Variants in MGAT5B observed in about 807,000 individuals in gnomAD.
MGAT5B encodes N-acetylglucosaminyl-transferase Vb.
In MGAT5B, 54 loss-of-function variants were observed where a neutral mutation model predicts 95.1. That is an observed-to-expected ratio of 0.57 (90% CI 0.46 to 0.71). The LOEUF (loss-of-function observed/expected upper bound fraction) is 0.71. Among genes scored for constraint, MGAT5B ranks in the 30% least tolerant of loss-of-function variants. The probability of loss-of-function intolerance (pLI) is 0.00; values close to 1 mark genes in which losing one functional copy is unlikely to be tolerated. For missense variants in MGAT5B, 935 were observed against 1,088.6 expected (o/e 0.86, Z 1.99); for synonymous variants, 464 against 451.0 (o/e 1.03, Z -0.36).
At chr17:76,921,580 C>T (rs1233620389) in intron 8 of MGAT5B, among the ~76,000 whole-genome samples, 1 of 152,150 alleles carries the variant, frequency 6.6e-6, no homozygotes, top group African/African-American at 2.4e-5. Context: ...CCACCCACTT[C>T]CCTGCTCCCT....
intron 9 of MGAT5B, 27 bp from the exon 10 acceptor site, chr17:76,926,570 C>T (rs11653088): frequency 0.74 from 1,179,073 of 1,591,848 alleles, 439,230 homozygotes; most frequent in Admixed American, 0.8. Flanking sequence ...GTTGCTGACC[C>T]TGGTTCCTGG....
intron 16 of MGAT5B, among the ~76,000 whole-genome samples, chr17:76,946,843 A>G (rs1442809664): frequency 6.6e-6 from 1 of 152,238 alleles, no homozygotes; most frequent in African/African-American, 2.4e-5. Flanking sequence ...TGAGACTGGA[A>G]TGGGAGATTA....
At position 76,904,345 on chromosome 17, in the gene MGAT5B, G is replaced by T. The variant is rs903325130; in HGVS notation, c.613G>T (p.Glu205Ter). Reference protein sequence around the residue: ...CSFLIYLSEVEWFCPPLPWRN... With the variant: ...CSFLIYLSEV ...CTTCCTCATCTACCTCAGTGAGGTCGAGTGGTTCTGCCCCCCGCTGCCCTG... is the reference window on the plus strand; with the variant it reads ...CTTCCTCATCTACCTCAGTGAGGTCTAGTGGTTCTGCCCCCCGCTGCCCTG... The change falls in exon 6 of 18, where the codon GAG (glutamate) becomes TAG (stop). Residue 205 changes from glutamate to a stop codon, truncating the protein, a stop_gained. Coordinates refer to ENST00000569840, the MANE Select transcript of MGAT5B (RefSeq NM_001199172.2). LOFTEE classifies it high-confidence loss of function. 3 of 1,598,222 alleles carry T rather than the reference G, an allele frequency of 1.9e-6. No homozygotes were observed. Among genetic ancestry groups the T allele is most frequent in the African/African-American group, 1.3e-5 (1 of 74,760 alleles).
intron 16 of MGAT5B, among the ~76,000 whole-genome samples, chr17:76,947,022 T>C (rs1970052259): frequency 6.6e-6 from 1 of 152,200 alleles, no homozygotes; most frequent in African/African-American, 2.4e-5. Flanking sequence ...GGGCGTGCCC[T>C]ATTCCTGGGG....
intron 8 of MGAT5B, among the ~76,000 whole-genome samples, chr17:76,910,477 A>G (rs1196159600): frequency 6.6e-6 from 1 of 152,202 alleles, no homozygotes; most frequent in Non-Finnish European, 1.5e-5. Context: ...ACCCACTCAC[A>G]TGCACACTCA....
rs1336805725 is a variant in MGAT5B, at chr17:76,868,767, C to G, written c.-263C>G. ...CCGGCGGTCTGGGGGCGCGCCGCCT[C>G]CCGGTCCCCAAAATGTGAAGCGGGG... On this transcript the variant is annotated 5_prime_UTR_variant, in exon 1 of 18. Transcript: ENST00000569840. The surrounding 1 kb of genome is among the most constrained non-coding windows in gnomAD (Gnocchi z 6.3). 4.2e-6 allele frequency: 1 copy of G among 238,258 alleles called. No individual in the cohort carries two copies. The highest frequency in any genetic ancestry group is 8.0e-6 in the Non-Finnish European group (1 of 124,990). 14.8% of individuals were successfully genotyped at this position (238,258 alleles called of 1,614,324 possible).
chr17:76,924,578 CCAGA>C (rs150597779), intron 8 of MGAT5B, among the ~76,000 whole-genome samples: 2,180 of 152,304 alleles, frequency 0.014, 47 homozygotes, highest in African/African-American at 0.047. Flanking sequence ...GGGCCCTCAT[CCAGA>C]CAAACACGTA....
Position 76,946,395 on chromosome 17 carries a change from AC to A in MGAT5B, c.1869del (p.Tyr623Ter), listed in dbSNP as rs1850867661. ...MRTQVDPYLP[Y>X]EYTCEGMLER... Reference sequence around the variant, plus strand: ...CCACAGGTAGACCCCTACCTACCCTACGAGTACACCTGCGAGGGGATGCTGG... The same window carrying A: ...CCACAGGTAGACCCCTACCTACCCTAGAGTACACCTGCGAGGGGATGCTGG... On this transcript the variant is annotated frameshift_variant, in exon 16 of 18. Transcript: ENST00000569840. LOFTEE classifies it high-confidence loss of function. 4 of 1,608,222 alleles carry A rather than the reference AC, an allele frequency of 2.5e-6. No individual in the cohort carries two copies. Among genetic ancestry groups the A allele is most frequent in the Non-Finnish European group, 3.4e-6 (4 of 1,177,006 alleles).
At position 76,869,637 on chromosome 17, in the gene MGAT5B, G is replaced by A. The variant is rs1966921850; in HGVS notation, c.68+540G>A. Reference sequence around the variant, plus strand: ...GGGCTCGGGCCTGGCTCCGACGAGAGGGTCCCGAGATTAGAGCGAGGACTC... The same window carrying A: ...GGGCTCGGGCCTGGCTCCGACGAGAAGGTCCCGAGATTAGAGCGAGGACTC... On this transcript the variant is annotated intron_variant, in intron 1 of 17. Transcript: ENST00000569840. This position sits in a 1 kb window ranked among gnomAD's most constrained non-coding sequence, Gnocchi z 7.0. 6.6e-6 allele frequency among the ~76,000 whole-genome samples: 1 copy of A among 152,230 alleles called. No homozygotes were observed. The highest frequency in any genetic ancestry group is 2.1e-4 in the South Asian group (1 of 4,834).
chr17:76,910,929 A>G (rs1968710328), intron 8 of MGAT5B, among the ~76,000 whole-genome samples: 1 of 152,254 alleles, frequency 6.6e-6, no homozygotes, highest in Non-Finnish European at 1.5e-5. Flanking sequence ...CTGCTACCAA[A>G]TACAATTTAA....
Position 76,885,954 on chromosome 17 carries a change from A to G in MGAT5B, c.329+3656A>G, listed in dbSNP as rs1203000994. ...CACTTAGAAATTTCCTGTGGCTTAA[A>G]AAAAACACGTCCCCTGTTCTTCCTC... On this transcript the variant is annotated intron_variant, in intron 3 of 17. Transcript: ENST00000569840. Among the ~76,000 whole-genome samples the G allele has an allele frequency of 1.3e-5, 2 of 152,164 alleles. 1 individual carries two copies. Among genetic ancestry groups the G allele is most frequent in the East Asian group, 3.8e-4 (2 of 5,202 alleles).
intron 8 of MGAT5B, among the ~76,000 whole-genome samples, chr17:76,907,138 G>A (rs58327622): frequency 0.085 from 12,788 of 151,078 alleles, 1,401 homozygotes; most frequent in African/African-American, 0.25. Context: ...TGCAGCCTCC[G>A]CCTCCCGGGT....
chr17:76,924,942 G>A (rs764983873), intron 8 of MGAT5B, 24 bp from the exon 9 acceptor site: 1 of 1,611,546 alleles, frequency 6.2e-7, no homozygotes, highest in Non-Finnish European at 8.5e-7. Flanking sequence ...TTGGGGCCCA[G>A]AATCTGAAGG....
rs149555344 is a variant in MGAT5B at position 76,912,808 on chromosome 17, G to A, written c.1025+6621G>A. Reference sequence around the variant, plus strand: ...AGCCAGTCCCCGCCCGCGCCCCGCCGTGTGCGGAGGGAAGAAGCCAAACCC... The same window carrying A: ...AGCCAGTCCCCGCCCGCGCCCCGCCATGTGCGGAGGGAAGAAGCCAAACCC... On this transcript the variant is annotated intron_variant, in intron 8 of 17. Coordinates refer to ENST00000569840, the MANE Select transcript of MGAT5B (RefSeq NM_001199172.2). This position sits in a 1 kb window ranked among gnomAD's most constrained non-coding sequence, Gnocchi z 5.0. Among the ~76,000 whole-genome samples, 15 of 152,308 alleles carry A rather than the reference G, an allele frequency of 9.8e-5. No individual in the cohort carries two copies. Among genetic ancestry groups the A allele is most frequent in the Admixed American group, 3.9e-4 (6 of 15,304 alleles).
intron 10 of MGAT5B, among the ~76,000 whole-genome samples, chr17:76,928,027 C>A (rs899665090): frequency 6.6e-6 from 1 of 152,026 alleles, no homozygotes; most frequent in African/African-American, 2.4e-5. Flanking sequence ...AGACTCTAGG[C>A]TATATTAGGG....
chr17:76,947,949 G>A lies in MGAT5B; in HGVS notation c.2043G>A (p.Gly681=). Residue 681 remains glycine, a synonymous_variant, in exon 17 of 18, where the codon GGG becomes GGA. Transcript: ENST00000569840. Reference sequence around the variant, plus strand: ...CTCGGAACACCAGCTTGGCTCCTGGGGCCTGGCCCCCCGCGCACGCCCTGC... The same window carrying A: ...CTCGGAACACCAGCTTGGCTCCTGGAGCCTGGCCCCCCGCGCACGCCCTGC... The part of the protein sequence containing the change: ...EWARNTSLAP[G]AWPPAHALRA... 1 of 1,612,634 alleles carries A rather than the reference G, an allele frequency of 6.2e-7. No homozygotes were observed. The highest frequency in any genetic ancestry group is 8.5e-7 in the Non-Finnish European group (1 of 1,179,296).
At chr17:76,942,428 G>A (rs1374205002) in intron 15 of MGAT5B, among the ~76,000 whole-genome samples, 1 of 152,220 alleles carries the variant, frequency 6.6e-6, no homozygotes, top group Non-Finnish European at 1.5e-5. Flanking sequence ...CCAAGAGGCT[G>A]AGGCAGGAGA....
In MGAT5B at chr17:76,869,249, C is replaced by G. The variant is rs1190770259; in HGVS notation, c.68+152C>G. ...GACCAGTGGGGCTGGGCTGGGGGAACGGATGGCGTTGGGGTTCGGGGTGCG... is the reference window on the plus strand; with the variant it reads ...GACCAGTGGGGCTGGGCTGGGGGAAGGGATGGCGTTGGGGTTCGGGGTGCG... On this transcript the variant is annotated intron_variant, in intron 1 of 17. Transcript: ENST00000569840. The surrounding 1 kb of genome is among the most constrained non-coding windows in gnomAD (Gnocchi z 7.0). 30 of 472,820 alleles carry G rather than the reference C, an allele frequency of 6.3e-5. No homozygotes were observed. Among genetic ancestry groups the G allele is most frequent in the East Asian group, 1.4e-4 (3 of 21,562 alleles). The allele number at this position is 472,820 out of a possible 1,614,324, so 29.3% of individuals were successfully genotyped here. A position where few individuals can be genotyped will look rare whatever the true frequency, so the allele number is the denominator to read the frequency against.
chr17:76,872,906 G>A lies in MGAT5B; in HGVS notation c.124G>A (p.Gly42Arg). 1 of 1,614,194 alleles carries A rather than the reference G, an allele frequency of 6.2e-7. No homozygotes were observed. ...TCTCTGCTTCCTGATGACGTCTCTG[G>A]GAGGCCAGTTCTCGGCCCGGCGCCT... ...FTLCFLMTSLGGQFSARRLGD... is the reference protein window; with the variant it reads ...FTLCFLMTSLRGQFSARRLGD... Residue 42 changes from glycine to arginine, a missense_variant, in exon 2 of 18, where the codon GGA (glycine) becomes AGA (arginine). Around this residue, in one of 4 missense-constraint regions of MGAT5B, gnomAD observed 243 missense variants for 228.2 expected, o/e 1.06. Coordinates refer to ENST00000569840, the MANE Select transcript of MGAT5B (RefSeq NM_001199172.2).
Sources: allele counts gnomAD v4.1 joint callset (sites outside exome capture counted in the v4.1 genomes callset), GRCh38; gene constraint gnomAD v4.1.1; regional missense constraint gnomAD v4.1.1; non-coding constraint Gnocchi (gnomAD v3.1); transcripts MANE v1.5; gene names NCBI Gene and HGNC (gene_info 2026-07-23, HGNC 2026-07-21).